The following NPIPB12 variants were observed in gnomAD, a reference collection of about 807,000 sequenced individuals.
NPIPB12 encodes nuclear pore complex interacting protein family member B12.
intron 2 of NPIPB12, among the ~76,000 whole-genome samples, chr16:29,495,232 A>G (rs1279085909): frequency 2.1e-5 from 3 of 142,548 alleles, no homozygotes; most frequent in Admixed American, 7.2e-5. Context: ...TAAATAGCAC[A>G]AAGGTTAAAA....
upstream of NPIPB12, among the ~76,000 whole-genome samples, chr16:29,501,923 C>G (rs1245804080): frequency 7.6e-5 from 3 of 39,466 alleles, no homozygotes; most frequent in Non-Finnish European, 1.5e-4. Context: ...AAAGGAGAGA[C>G]CAAGTAAGTG....
At chr16:29,490,757 T>G (rs1596715545) in intron 4 of NPIPB12, among the ~76,000 whole-genome samples, 9 of 38,358 alleles carry the variant, frequency 2.3e-4, no homozygotes, top group Non-Finnish European at 2.8e-4. Flanking sequence ...AAAAAATTGG[T>G]CAAATGTGGT....
upstream of NPIPB12, among the ~76,000 whole-genome samples, chr16:29,501,254 C>T (rs1350493244): frequency 9.6e-5 from 6 of 62,210 alleles, 2 homozygotes; most frequent in East Asian, 8.5e-4. Context: ...CCGAGGTGGG[C>T]GGATCACAAG....
intron 2 of NPIPB12, among the ~76,000 whole-genome samples, chr16:29,504,560 C>G (rs377478987): frequency 3.4e-5 from 5 of 146,170 alleles, no homozygotes; most frequent in East Asian, 2.0e-4. Flanking sequence ...GTGTGTGTAT[C>G]TATATAAATC....
chr16:29,495,147 C>G (rs545555409), intron 2 of NPIPB12, among the ~76,000 whole-genome samples: 2 of 143,802 alleles, frequency 1.4e-5, no homozygotes, highest in African/African-American at 4.9e-5. Context: ...TCCACCCATA[C>G]GATAGAACTA....
intron 2 of NPIPB12, among the ~76,000 whole-genome samples, chr16:29,504,579 A>G (rs1188309669): frequency 4.2e-4 from 62 of 147,710 alleles, no homozygotes; most frequent in Non-Finnish European, 6.5e-4. Context: ...TCTCAAAAAT[A>G]AAAGATCATT....
At chr16:29,501,881 A>G (rs1324347818), upstream of NPIPB12, among the ~76,000 whole-genome samples, 3 of 66,364 alleles carry the variant, frequency 4.5e-5, no homozygotes, top group African/African-American at 1.4e-4. Context: ...AAAAAAAAAA[A>G]GCAGCCCTAG....
chr16:29,492,824 T>C (rs1289344666), intron 2 of NPIPB12, among the ~76,000 whole-genome samples: 1 of 112,714 alleles, frequency 8.9e-6, no homozygotes, highest in Non-Finnish European at 1.8e-5. Context: ...GACATGAATA[T>C]ACTTCACACA....
chr16:29,492,512 A>T (rs4017000), intron 2 of NPIPB12, among the ~76,000 whole-genome samples: 31,137 of 41,720 alleles, frequency 0.75, 11,987 homozygotes, highest in East Asian at 0.93. Flanking sequence ...AAAAAAAAAA[A>T]AGGCCAGATG....
chr16:29,490,091 G>A (rs1485455484), intron 4 of NPIPB12, among the ~76,000 whole-genome samples: 3 of 1,734 alleles, frequency 1.7e-3, no homozygotes, highest in Non-Finnish European at 4.5e-3. Flanking sequence ...CTGCACCGAC[G>A]ACTTCAATTG....
At position 29,504,537 on chromosome 16, in the gene NPIPB12, TG is replaced by T; in HGVS notation, c.120+935del. On this transcript the variant is annotated intron_variant, in intron 2 of 7. Transcript: ENST00000550665. ...ATATGTGTGTGTGTGTGTGTGTGTGTGTGTGTGTGTGTGTGTGTGTATCTAT... is the reference window on the plus strand; with the variant it reads ...ATATGTGTGTGTGTGTGTGTGTGTGTTGTGTGTGTGTGTGTGTGTATCTAT... Among the ~76,000 whole-genome samples the T allele has an allele frequency of 3.4e-5, 5 of 145,236 alleles. No individual in the cohort carries two copies. In the South Asian group the frequency reaches 6.7e-4, roughly 19 times the overall value.
intron 4 of NPIPB12, among the ~76,000 whole-genome samples, chr16:29,490,904 TAAAAAAA>T (rs1156982100): frequency 8.8e-5 from 5 of 56,690 alleles, no homozygotes; most frequent in Non-Finnish European, 1.3e-4. Flanking sequence ...ATCTCAAAAT[TAAAAAAA>T]AAAAAAAAAA....
intron 2 of NPIPB12, among the ~76,000 whole-genome samples, chr16:29,495,137 T>C (rs1479181834): frequency 7.2e-6 from 1 of 138,298 alleles, no homozygotes; most frequent in Non-Finnish European, 1.6e-5. Flanking sequence ...AAGCTTTCCT[T>C]CCACCCATAC....
chr16:29,495,267 TG>T (rs1316627058), intron 2 of NPIPB12, among the ~76,000 whole-genome samples: 1 of 137,938 alleles, frequency 7.2e-6, no homozygotes, highest in African/African-American at 2.5e-5. Context: ...CCAAAAGCTC[TG>T]TTGACATTCT....
At chr16:29,501,144 T>A (rs953965422), upstream of NPIPB12, among the ~76,000 whole-genome samples, 8 of 66,994 alleles carry the variant, frequency 1.2e-4, 2 homozygotes, top group Non-Finnish European at 2.0e-4. Flanking sequence ...AGCCAATGCC[T>A]TTACCATAAA....
chr16:29,490,497 G>A (rs1965067866), intron 4 of NPIPB12, among the ~76,000 whole-genome samples: 3 of 149,528 alleles, frequency 2.0e-5, no homozygotes, highest in Non-Finnish European at 3.0e-5. Context: ...CACATTGGGA[G>A]GCCGAGGTGT....
chr16:29,496,258 TTTTTTG>T (rs1258244755), intron 1 of NPIPB12, among the ~76,000 whole-genome samples: 1 of 3,588 alleles, frequency 2.8e-4, no homozygotes. Flanking sequence ...GCCCAGCCAT[TTTTTTG>T]TTTTTGTTTT....
At chr16:29,497,144 C>G (rs1419231930) in intron 1 of NPIPB12, among the ~76,000 whole-genome samples, 1 of 96,048 alleles carries the variant, frequency 1.0e-5, no homozygotes, top group Non-Finnish European at 2.2e-5. Context: ...TAAATCTCAG[C>G]ATAAGTAAAA....
At chr16:29,490,426 C>A (rs1214117881) in intron 4 of NPIPB12, among the ~76,000 whole-genome samples, 1 of 148,768 alleles carries the variant, frequency 6.7e-6, no homozygotes. Context: ...CATGGTGAAC[C>A]CGTCTCTACT....
Sources: gnomAD v4.1 joint callset for allele counts (sites outside exome capture counted in the v4.1 genomes callset) on GRCh38, gnomAD v4.1.1 for gene constraint, MANE v1.5 for transcripts, NCBI Gene and HGNC (gene_info 2026-07-23, HGNC 2026-07-21) for gene names.